PSMA1: variants seen among roughly 807,000 people sequenced by gnomAD.
The protein encoded by PSMA1 is proteasome subunit alpha type-1.
Under a neutral mutation model 38.4 loss-of-function variants are expected in PSMA1, and 3 were observed. The observed-to-expected ratio is 0.08, with a 90% confidence interval of 0.04 to 0.20. The LOEUF is 0.20. Among genes scored for constraint, PSMA1 ranks in the 10% least tolerant of loss-of-function variants. The pLI, the probability that PSMA1 is intolerant of heterozygous loss-of-function variation, is 1.00. For missense variants in PSMA1, 227 were observed against 325.3 expected (o/e 0.70, Z 2.32); for synonymous variants, 101 against 107.1 (o/e 0.94, Z 0.35).
At chr11:14,547,571 A>G (rs1851839367) in intron 2 of PSMA1, among the ~76,000 whole-genome samples, 1 of 152,150 alleles carries the variant, frequency 6.6e-6, no homozygotes, top group Non-Finnish European at 1.5e-5. Context: ...GAGGGTCCAG[A>G]GCAAAATCAT....
intron 1 of PSMA1, among the ~76,000 whole-genome samples, chr11:14,616,743 C>T (rs545986803): frequency 6.6e-6 from 1 of 152,208 alleles, no homozygotes; most frequent in South Asian, 2.1e-4. Flanking sequence ...ATACTATTAG[C>T]CCTATTTTGT....
chr11:14,591,616 G>C (rs1852416257), intron 2 of PSMA1, among the ~76,000 whole-genome samples: 1 of 152,154 alleles, frequency 6.6e-6, no homozygotes, highest in Non-Finnish European at 1.5e-5. Context: ...CTCAGGGTTT[G>C]TGAGTGCACC....
At chr11:14,570,444 A>T (rs1852124517) in intron 2 of PSMA1, among the ~76,000 whole-genome samples, 1 of 152,208 alleles carries the variant, frequency 6.6e-6, no homozygotes, top group Admixed American at 6.5e-5. Flanking sequence ...GTTCAAACCC[A>T]TTGCAAAGAA....
At chr11:14,532,183 T>G (rs1663276785) in intron 2 of PSMA1, among the ~76,000 whole-genome samples, 1 of 152,182 alleles carries the variant, frequency 6.6e-6, no homozygotes, top group Non-Finnish European at 1.5e-5. Flanking sequence ...AATGTTAATA[T>G]CAATAGGTCT....
chr11:14,563,461 CT>C (rs1852033402), intron 2 of PSMA1, among the ~76,000 whole-genome samples: 1 of 152,120 alleles, frequency 6.6e-6, no homozygotes, highest in Non-Finnish European at 1.5e-5. Context: ...CAGTGCAGAC[CT>C]TTGCTTTCAA....
At chr11:14,517,594 A>G in intron 4 of PSMA1, 48 bp downstream of exon 4, 1 of 1,400,744 alleles carries the variant, frequency 7.1e-7, no homozygotes, top group Non-Finnish European at 9.7e-7. Flanking sequence ...GAGAAAACTA[A>G]TCAATTATGA....
chr11:14,539,654 G>A (rs925730303), intron 2 of PSMA1, among the ~76,000 whole-genome samples: 5 of 152,054 alleles, frequency 3.3e-5, no homozygotes, highest in African/African-American at 1.2e-4. Flanking sequence ...GACCATCCTG[G>A]CTAACATGGT....
chr11:14,605,589 G>A (rs55760529), intron 2 of PSMA1, among the ~76,000 whole-genome samples: 8,236 of 152,104 alleles, frequency 0.054, 315 homozygotes, highest in Non-Finnish European at 0.08. Context: ...GTCTCACTAT[G>A]TTGCCCAGGC....
At chr11:14,577,102 A>T (rs1852227576) in intron 2 of PSMA1, among the ~76,000 whole-genome samples, 2 of 152,196 alleles carry the variant, frequency 1.3e-5, no homozygotes, top group African/African-American at 4.8e-5. Flanking sequence ...GGTGTATAAG[A>T]ATGCTTGTGA....
chr11:14,584,068 A>G (rs1240223356), intron 2 of PSMA1, among the ~76,000 whole-genome samples: 1 of 152,244 alleles, frequency 6.6e-6, no homozygotes, highest in Non-Finnish European at 1.5e-5. Flanking sequence ...TCCTTCTTTG[A>G]AAGTTTTTTA....
chr11:14,532,601 T>G (rs1851659585), intron 2 of PSMA1, among the ~76,000 whole-genome samples: 1 of 138,698 alleles, frequency 7.2e-6, no homozygotes, highest in Non-Finnish European at 1.5e-5. Context: ...CGAGACTCCG[T>G]CTCAAAAAAA....
intron 2 of PSMA1, among the ~76,000 whole-genome samples, chr11:14,603,520 AC>A (rs1852609134): frequency 6.6e-6 from 1 of 152,172 alleles, no homozygotes. Flanking sequence ...GAGTCCACTG[AC>A]TCAAAGTGCT....
intron 2 of PSMA1, among the ~76,000 whole-genome samples, chr11:14,594,764 CTTTT>C (rs1030120229): frequency 6.6e-6 from 1 of 151,832 alleles, no homozygotes; most frequent in African/African-American, 2.4e-5. Flanking sequence ...CATAACGTTT[CTTTT>C]TTTTATTATA....
rs569894376 is a variant in PSMA1, at chr11:14,592,354, GTCTC to G, written c.21+18608_21+18611del. On this transcript the variant is annotated intron_variant, in intron 2 of 10. Coordinates refer to the PSMA1 transcript ENST00000418988. ...TCGACCCCGTCTCAACTCTGACACA[GTCTC>G]TCTCTCTCTCTCTCTCTCTATATAT... Among the ~76,000 whole-genome samples the G allele has an allele frequency of 7.9e-3, 1,074 of 135,932 alleles. 23 individuals are homozygous for G. Among genetic ancestry groups the G allele is most frequent in the African/African-American group, 0.028 (1,022 of 36,338 alleles). 89.2% of individuals were successfully genotyped at this position (135,932 alleles called of 152,430 possible).
At chr11:14,528,970 C>T (rs11826356) in intron 2 of PSMA1, among the ~76,000 whole-genome samples, 4,415 of 152,078 alleles carry the variant, frequency 0.029, 110 homozygotes, top group African/African-American at 0.064. Context: ...ACTCTCTTTT[C>T]GGACTCAGCC....
chr11:14,574,816 C>T (rs781345604), intron 2 of PSMA1, among the ~76,000 whole-genome samples: 9 of 152,016 alleles, frequency 5.9e-5, no homozygotes, highest in African/African-American at 1.7e-4. Context: ...TATAAATTAC[C>T]GAGTCTTGGG....
rs1851593251 is a variant in PSMA1 at position 14,526,995 on chromosome 11, A to C, written c.22-7954T>G. Among the ~76,000 whole-genome samples the C allele has an allele frequency of 2.6e-5, 4 of 152,122 alleles. No homozygotes were observed. In the South Asian group the frequency reaches 8.3e-4, roughly 31 times the overall value. On this transcript the variant is annotated intron_variant, in intron 2 of 10. Coordinates refer to the PSMA1 transcript ENST00000418988. Reference sequence around the variant, plus strand: ...GCAAAGGGACTACGCGTCAATATTTATACTGACTCTTAATATGCCTTCCAT... The same window carrying C: ...GCAAAGGGACTACGCGTCAATATTTCTACTGACTCTTAATATGCCTTCCAT...
intron 2 of PSMA1, among the ~76,000 whole-genome samples, chr11:14,569,643 C>T (rs186693418): frequency 1.1e-4 from 16 of 152,274 alleles, no homozygotes; most frequent in African/African-American, 3.6e-4. Context: ...AACGGCAAGG[C>T]GGCAGCAAGG....
intron 1 of PSMA1, among the ~76,000 whole-genome samples, chr11:14,611,849 T>C (rs1271147567): frequency 6.6e-6 from 1 of 152,204 alleles, no homozygotes; most frequent in African/African-American, 2.4e-5. Context: ...AAGGGAGTCT[T>C]GTAACATTGA....
Sources: gnomAD v4.1 joint callset for allele counts (sites outside exome capture counted in the v4.1 genomes callset) on GRCh38, gnomAD v4.1.1 for gene constraint, MANE v1.5 for transcripts, NCBI Gene and HGNC (gene_info 2026-07-23, HGNC 2026-07-21) for gene names.